The following KCNIP1 variants were observed in gnomAD, a reference collection of about 807,000 sequenced individuals.
KCNIP1 encodes the protein potassium voltage-gated channel interacting protein 1, also known as A-type potassium channel modulatory protein KCNIP1.
In KCNIP1, 18 loss-of-function variants were observed where a neutral mutation model predicts 33.0. The observed-to-expected ratio is 0.55, with a 90% CI of 0.38 to 0.81. The LOEUF (loss-of-function observed/expected upper bound fraction) is 0.81, where lower values mean the gene tolerates loss of function less well. Among genes scored for constraint, KCNIP1 ranks in the 30% least tolerant of loss-of-function variants. The pLI is 0.00. For synonymous variants in KCNIP1, 93 were observed against 98.3 expected (o/e 0.95, Z 0.32); for missense variants, 238 against 271.6 (o/e 0.88, Z 0.87).
chr5:170,635,900 C>T (rs906262177), intron 1 of KCNIP1, among the ~76,000 whole-genome samples: 4 of 152,148 alleles, frequency 2.6e-5, no homozygotes, highest in East Asian at 1.9e-4. Flanking sequence ...AGACACAGGC[C>T]GGGAGGTGCA....
At chr5:170,597,820 T>TATATATATATATATATGAAA (rs1441774904) in intron 1 of KCNIP1, among the ~76,000 whole-genome samples, 111 of 56,138 alleles carry the variant, frequency 2.0e-3, no homozygotes, top group Non-Finnish European at 2.9e-3. Flanking sequence ...TATATATATA[T>TATATATATATATATATGAAA]ATATATATAT....
At chr5:170,456,452 T>C (rs1335194657) in intron 1 of KCNIP1, among the ~76,000 whole-genome samples, 1 of 152,022 alleles carries the variant, frequency 6.6e-6, no homozygotes, top group Non-Finnish European at 1.5e-5. Flanking sequence ...ATTCTGCACA[T>C]GTATCCCCAA....
chr5:170,383,642 G>C (rs1377480429), intron 1 of KCNIP1: 1 of 1,608,696 alleles, frequency 6.2e-7, no homozygotes, highest in Non-Finnish European at 8.5e-7. Context: ...ACCTGACAGG[G>C]ATAAAGGGAT....
intron 1 of KCNIP1, among the ~76,000 whole-genome samples, chr5:170,630,021 G>C (rs962831497): frequency 6.6e-6 from 1 of 152,222 alleles, no homozygotes; most frequent in Non-Finnish European, 1.5e-5. Flanking sequence ...CCTGCACCAG[G>C]CTGGGCCTGG....
chr5:170,676,968 C>G (rs1434384941), intron 1 of KCNIP1, among the ~76,000 whole-genome samples: 1 of 152,164 alleles, frequency 6.6e-6, no homozygotes, highest in Non-Finnish European at 1.5e-5. Context: ...ATGCACCCAG[C>G]AATTTCCAGA....
intron 1 of KCNIP1, among the ~76,000 whole-genome samples, chr5:170,583,490 A>C (rs983119512): frequency 1.3e-5 from 2 of 152,178 alleles, no homozygotes; most frequent in Admixed American, 6.5e-5. Context: ...AAAAGCCCTC[A>C]TGGGTCTTGG....
chr5:170,683,726 T>G (rs981992316), intron 1 of KCNIP1, among the ~76,000 whole-genome samples: 6 of 148,666 alleles, frequency 4.0e-5, no homozygotes, highest in African/African-American at 7.5e-5. Context: ...TTTTTAAGGT[T>G]TTTTTTTTTT....
chr5:170,433,819 C>T (rs997017143), intron 1 of KCNIP1, among the ~76,000 whole-genome samples: 10 of 152,270 alleles, frequency 6.6e-5, no homozygotes, highest in South Asian at 2.1e-4. Context: ...CAAATGAGGA[C>T]GTTGAGGCTC....
chr5:170,723,947 A>G (rs911642129), intron 5 of KCNIP1, among the ~76,000 whole-genome samples: 1 of 152,204 alleles, frequency 6.6e-6, no homozygotes, highest in Admixed American at 6.5e-5. Context: ...CTGCAGATGA[A>G]GGTATGAAGC....
At chr5:170,544,804 A>G (rs955725753) in intron 1 of KCNIP1, among the ~76,000 whole-genome samples, 4 of 152,172 alleles carry the variant, frequency 2.6e-5, no homozygotes, top group Admixed American at 6.5e-5. Context: ...TTCCTGAACA[A>G]TGCAAGAACT....
intron 5 of KCNIP1, among the ~76,000 whole-genome samples, chr5:170,723,944 T>G (rs1483575866): frequency 6.6e-6 from 1 of 152,124 alleles, no homozygotes; most frequent in Non-Finnish European, 1.5e-5. Context: ...TGGCTGCAGA[T>G]GAAGGTATGA....
chr5:170,401,805 G>T (rs964594287), intron 1 of KCNIP1, among the ~76,000 whole-genome samples: 2 of 151,632 alleles, frequency 1.3e-5, no homozygotes, highest in African/African-American at 2.4e-5. Context: ...CCTTCTTCAT[G>T]CCAGGCCCTG....
chr5:170,485,535 TAAA>T (rs1757070525), intron 1 of KCNIP1, among the ~76,000 whole-genome samples: 1 of 152,140 alleles, frequency 6.6e-6, no homozygotes, highest in African/African-American at 2.4e-5. Flanking sequence ...TGAGGATTCA[TAAA>T]CCCTATTCTG....
At chr5:170,389,415 C>CCTCCATGCCCAAACATGGTCAAGT (rs1322042420) in intron 1 of KCNIP1, 1 of 151,810 alleles carries the variant, frequency 6.6e-6, no homozygotes, top group African/African-American at 2.4e-5. Context: ...CTGGGGCAAG[C>CCTCCATGCCCAAACATGGTCAAGT]CTCCATGCCC....
intron 1 of KCNIP1, among the ~76,000 whole-genome samples, chr5:170,438,553 A>T (rs1755917815): frequency 6.6e-6 from 1 of 152,134 alleles, no homozygotes; most frequent in Admixed American, 6.5e-5. Flanking sequence ...TCTTGACCCC[A>T]GCATGAAACC....
intron 1 of KCNIP1, among the ~76,000 whole-genome samples, chr5:170,405,222 TC>T (rs1554090043): frequency 6.6e-6 from 1 of 151,456 alleles, no homozygotes; most frequent in Non-Finnish European, 1.5e-5. Flanking sequence ...TGAGATGAAG[TC>T]TTGCTCTGTT....
At chr5:170,499,573 C>G (rs1461772585), upstream of KCNIP1, among the ~76,000 whole-genome samples, 6 of 152,206 alleles carry the variant, frequency 3.9e-5, no homozygotes, top group Admixed American at 2.0e-4. Context: ...CTAGCAGCCT[C>G]CCAAATTAAT....
At chr5:170,523,782 C>A (rs1010518562) in intron 1 of KCNIP1, among the ~76,000 whole-genome samples, 1 of 152,150 alleles carries the variant, frequency 6.6e-6, no homozygotes, top group Non-Finnish European at 1.5e-5. Flanking sequence ...TCTCCTCCAG[C>A]CCATTGCACT....
rs556763358 is a variant in KCNIP1, at chr5:170,454,694, T to A, written c.88+100730T>A. Among the ~76,000 whole-genome samples, 4 of 152,368 alleles carry A rather than the reference T, an allele frequency of 2.6e-5. No homozygotes were observed. In the South Asian group the frequency reaches 8.3e-4, roughly 32 times the overall value. On this transcript the variant is annotated intron_variant, in intron 1 of 7. Transcript: ENST00000377360. ...AAATGAGTAGGAAGTTGGAAATATTTCAGAATTAAGAATGTTTTTATATAA... is the reference window on the plus strand; with the variant it reads ...AAATGAGTAGGAAGTTGGAAATATTACAGAATTAAGAATGTTTTTATATAA...
Sources: gnomAD v4.1 joint callset for allele counts (sites outside exome capture counted in the v4.1 genomes callset) on GRCh38, gnomAD v4.1.1 for gene constraint, MANE v1.5 for transcripts, NCBI Gene and HGNC (gene_info 2026-07-23, HGNC 2026-07-21) for gene names.